Variants in CNGB3 observed in about 807,000 individuals in gnomAD.
CNGB3 encodes the protein cyclic nucleotide-gated channel beta-3.
A neutral mutation model predicts 92.8 loss-of-function variants in CNGB3; 86 were observed. The observed-to-expected ratio is 0.93, with a 90% confidence interval of 0.78 to 1.11. The LOEUF (loss-of-function observed/expected upper bound fraction) is 1.11. Ranked by LOEUF, CNGB3 falls within the 50% of genes least tolerant of loss-of-function variation. The probability of loss-of-function intolerance (pLI) is 0.00; values close to 1 mark genes in which losing one functional copy is unlikely to be tolerated. For missense variants in CNGB3, 1,026 were observed against 956.8 expected, an observed-to-expected ratio of 1.07 and a Z score of -0.95; for synonymous variants, 333 against 332.7, an observed-to-expected ratio of 1.00 and a Z score of -0.01.
intron 2 of CNGB3, among the ~76,000 whole-genome samples, chr8:86,739,218 TAGCAGGAGGG>T (rs1350371414): frequency 2.0e-5 from 3 of 152,186 alleles, no homozygotes; most frequent in African/African-American, 4.8e-5. Context: ...GGAGAGAGTT[TAGCAGGAGGG>T]AGCAGAGGTG....
In CNGB3 at chr8:86,666,935, C is replaced by T. The variant is rs868246058; in HGVS notation, c.842G>A (p.Gly281Glu). 1 of 1,612,222 alleles carries T rather than the reference C, an allele frequency of 6.2e-7. No individual in the cohort carries two copies. The highest frequency in any genetic ancestry group is 8.5e-7 in the Non-Finnish European group (1 of 1,179,652). Residue 281 changes from glycine (G) to glutamate (E), a missense_variant, in exon 6 of 18, where the codon GGA becomes GAA. By Grantham distance (98) the Gly-to-Glu change is moderately conservative (BLOSUM62 -2). Coordinates refer to ENST00000320005, the MANE Select transcript of CNGB3 (RefSeq NM_019098.5). Reference protein sequence around the residue: ...IQPRLQFVRGGDIIVDSNELR... With the variant: ...IQPRLQFVRGEDIIVDSNELR... Reference sequence around the variant, plus strand: ...CCGAACCCCACTTACTATTATGTCTCCTCCTCTTACAAACTGGAGTCTGGG... The same window carrying T: ...CCGAACCCCACTTACTATTATGTCTTCTCCTCTTACAAACTGGAGTCTGGG...
chr8:86,715,102 TA>T (rs1266628662), intron 3 of CNGB3, among the ~76,000 whole-genome samples: 1 of 152,048 alleles, frequency 6.6e-6, no homozygotes, highest in East Asian at 1.9e-4. Context: ...GGGAGCTCTA[TA>T]ACCCTGCCCA....
intron 3 of CNGB3, among the ~76,000 whole-genome samples, chr8:86,696,305 G>A (rs1824449433): frequency 6.6e-6 from 1 of 152,174 alleles, no homozygotes. Context: ...TTCCAAGAGA[G>A]TACAGCTGCA....
chr8:86,651,130 G>T (rs1478874892), intron 7 of CNGB3, among the ~76,000 whole-genome samples: 1 of 151,466 alleles, frequency 6.6e-6, no homozygotes, highest in Admixed American at 6.6e-5. Context: ...GGCATACAGA[G>T]TGATATAATG....
At chr8:86,609,753 C>T (rs534407540) in intron 14 of CNGB3, among the ~76,000 whole-genome samples, 1 of 152,340 alleles carries the variant, frequency 6.6e-6, no homozygotes, top group Admixed American at 6.5e-5. Flanking sequence ...CCATCACTCA[C>T]TTGCTTCCGT....
intron 10 of CNGB3, among the ~76,000 whole-genome samples, chr8:86,635,704 C>T (rs1341675660): frequency 6.6e-6 from 1 of 150,588 alleles, no homozygotes; most frequent in African/African-American, 2.4e-5. Flanking sequence ...CAAGTGTGTC[C>T]ATCTCTAATA....
At chr8:86,695,933 C>G (rs1011658414) in intron 3 of CNGB3, among the ~76,000 whole-genome samples, 7 of 152,142 alleles carry the variant, frequency 4.6e-5, no homozygotes, top group Non-Finnish European at 1.0e-4. Context: ...ATCCAGCCAC[C>G]CAGTAGGGCT....
chr8:86,711,470 C>T (rs903632463), intron 3 of CNGB3, among the ~76,000 whole-genome samples: 7 of 152,132 alleles, frequency 4.6e-5, no homozygotes, highest in Non-Finnish European at 8.8e-5. Context: ...GTCCAATTTC[C>T]TTCTTTCTAT....
chr8:86,593,904 C>A (rs538260922), intron 15 of CNGB3: 3 of 602,804 alleles, frequency 5.0e-6, no homozygotes, highest in East Asian at 7.4e-5. Flanking sequence ...TGCTGGTAGT[C>A]ACCGCCTGTG....
At chr8:86,672,114 G>T (rs1823872308) in intron 3 of CNGB3, among the ~76,000 whole-genome samples, 1 of 152,096 alleles carries the variant, frequency 6.6e-6, no homozygotes, top group Non-Finnish European at 1.5e-5. Flanking sequence ...TTGTTTGTTT[G>T]TTTGGACTGA....
intron 10 of CNGB3, among the ~76,000 whole-genome samples, chr8:86,640,231 A>C (rs563694698): frequency 1.3e-5 from 2 of 152,160 alleles, no homozygotes; most frequent in South Asian, 4.1e-4. Flanking sequence ...GATTGTAAGT[A>C]TTTTATTGGG....
rs1172321490 is a variant in CNGB3 at position 86,643,777 on chromosome 8, T to C, written c.1152A>G (p.Arg384=). The change falls in exon 10 of 18, where the codon AGA becomes AGG. Residue 384 remains arginine (R), a synonymous_variant. Coordinates refer to ENST00000320005, the MANE Select transcript of CNGB3 (RefSeq NM_019098.5). ...ASNYEGIGTT[R]WVYDGEGNEY... Reference sequence around the variant, plus strand: ...CGTTTCCTTCCCCATCATACACCCATCTAGTAGTGCCAATTCCTTCATAGT... The same window carrying C: ...CGTTTCCTTCCCCATCATACACCCACCTAGTAGTGCCAATTCCTTCATAGT... 3.7e-6 allele frequency: 6 copies of C among 1,605,572 alleles called. No homozygotes were observed. Among genetic ancestry groups the C allele is most frequent in the Non-Finnish European group, 4.3e-6 (5 of 1,175,074 alleles).
intron 15 of CNGB3, among the ~76,000 whole-genome samples, chr8:86,583,711 G>C (rs139365415): frequency 3.3e-4 from 50 of 151,950 alleles, no homozygotes; most frequent in Non-Finnish European, 6.6e-4. Flanking sequence ...CTGGAGCCCA[G>C]GAGTTCGAGA....
Position 86,575,754 on chromosome 8 carries a change from T to C in CNGB3, c.*50A>G, listed in dbSNP as rs1270917387. The stretch of plus-strand genomic sequence containing the variant: ...CGTTAATTTAAGTTACAATCCTAGG[T>C]ACAATCACTTTGGGAACTAGCTATA... On this transcript the variant is annotated 3_prime_UTR_variant, in exon 18 of 18. Coordinates refer to ENST00000320005, the MANE Select transcript of CNGB3 (RefSeq NM_019098.5). The C allele has an allele frequency of 3.3e-6, 5 of 1,528,232 alleles. No individual in the cohort carries two copies. Among genetic ancestry groups the C allele is most frequent in the Non-Finnish European group, 3.6e-6 (4 of 1,104,302 alleles). 94.7% of individuals were successfully genotyped at this position (1,528,232 alleles called of 1,614,324 possible). A position where few individuals can be genotyped will look rare whatever the true frequency, so the allele number is the denominator to read the frequency against.
At chr8:86,649,071 AAAC>A (rs1171416958) in intron 7 of CNGB3, among the ~76,000 whole-genome samples, 1 of 151,412 alleles carries the variant, frequency 6.6e-6, no homozygotes, top group East Asian at 1.9e-4. Flanking sequence ...AACAACTGTA[AAAC>A]AACAACAATA....
chr8:86,575,560 A>G lies in CNGB3; in HGVS notation c.*244T>C. 1 of 435,760 alleles carries G rather than the reference A, an allele frequency of 2.3e-6. No individual in the cohort carries two copies. Among genetic ancestry groups the G allele is most frequent in the South Asian group, 4.7e-5 (1 of 21,188 alleles). 27.0% of individuals were successfully genotyped at this position (435,760 alleles called of 1,614,324 possible). ...AAGGAAAAGGAAACTTACTACATAC[A>G]ATTAGAAGATATAGCAATTGCATAA... is the stretch of plus-strand genomic sequence containing the variant. On this transcript the variant is annotated 3_prime_UTR_variant, in exon 18 of 18. Transcript: ENST00000320005.
At chr8:86,664,132 A>G (rs1229270301) in intron 6 of CNGB3, among the ~76,000 whole-genome samples, 1 of 152,202 alleles carries the variant, frequency 6.6e-6, no homozygotes, top group African/African-American at 2.4e-5. Context: ...CTAATGCTAT[A>G]AAGTCTGCAC....
intron 3 of CNGB3, among the ~76,000 whole-genome samples, chr8:86,719,286 T>A (rs1824921702): frequency 6.6e-6 from 1 of 152,010 alleles, no homozygotes; most frequent in Admixed American, 6.6e-5. Context: ...GACTCACTCA[T>A]AAAGGTCCTA....
chr8:86,599,613 G>A (rs1822247568), intron 15 of CNGB3, among the ~76,000 whole-genome samples: 1 of 148,454 alleles, frequency 6.7e-6, no homozygotes, highest in African/African-American at 2.6e-5. Context: ...CTTTAAAATG[G>A]CCACCTTGGG....
Sources: allele counts gnomAD v4.1 joint callset (sites outside exome capture counted in the v4.1 genomes callset), GRCh38; gene constraint gnomAD v4.1.1; transcripts MANE v1.5; gene names NCBI Gene and HGNC (gene_info 2026-07-23, HGNC 2026-07-21).